ANO3: variants seen among roughly 807,000 people sequenced by gnomAD.
ANO3 encodes the protein anoctamin-3.
In ANO3, 99 loss-of-function variants were observed where a neutral mutation model predicts 144.8. That is an observed-to-expected ratio of 0.68 (90% confidence interval 0.58 to 0.81). The LOEUF is 0.81. Among genes scored for constraint, ANO3 ranks in the 30% least tolerant of loss-of-function variants. ANO3 has a pLI of 0.00. For synonymous variants in ANO3, 414 were observed against 392.6 expected (o/e 1.05, Z -0.64); for missense variants, 905 against 1,202.2 (o/e 0.75, Z 3.66).
chr11:26,371,841 G>T (rs4444034), intron 1 of ANO3, among the ~76,000 whole-genome samples: 21,860 of 152,204 alleles, frequency 0.14, 1,698 homozygotes, highest in South Asian at 0.27. Context: ...TACCCCTGTT[G>T]TATCTAGGCA....
At chr11:26,438,847 T>C (rs1011002882) in intron 1 of ANO3, among the ~76,000 whole-genome samples, 4 of 150,368 alleles carry the variant, frequency 2.7e-5, no homozygotes, top group African/African-American at 9.7e-5. Context: ...CTTAAATTTA[T>C]ATAGAAATAC....
chr11:26,563,269 C>A, intron 14 of ANO3: 1 of 1,583,184 alleles, frequency 6.3e-7, no homozygotes, highest in South Asian at 1.2e-5. Context: ...CTATTTTCTA[C>A]AGGACAAAAA....
At chr11:26,606,479 C>A (rs1253707794) in intron 17 of ANO3, among the ~76,000 whole-genome samples, 3 of 152,040 alleles carry the variant, frequency 2.0e-5, no homozygotes. Context: ...TCCTGAATAT[C>A]CTTATTAATT....
At chr11:26,285,095 C>T (rs984751154) in intron 1 of ANO3, among the ~76,000 whole-genome samples, 1 of 147,774 alleles carries the variant, frequency 6.8e-6, no homozygotes, top group African/African-American at 2.6e-5. Context: ...TTACTGTGTA[C>T]AATTTTTTTT....
chr11:26,342,002 T>G (rs142810630), intron 1 of ANO3, among the ~76,000 whole-genome samples: 217 of 152,308 alleles, frequency 1.4e-3, no homozygotes, highest in Middle Eastern at 0.014. Flanking sequence ...ACTCAAATGT[T>G]ATTCTCCTTT....
At chr11:26,557,341 G>T (rs1850113690) in intron 13 of ANO3, among the ~76,000 whole-genome samples, 1 of 151,414 alleles carries the variant, frequency 6.6e-6, no homozygotes, top group African/African-American at 2.4e-5. Flanking sequence ...GGCGCCTGTA[G>T]TCCCAGCTAC....
intron 1 of ANO3, among the ~76,000 whole-genome samples, chr11:26,213,953 TTAAG>T (rs1317115168): frequency 6.6e-6 from 1 of 152,052 alleles, no homozygotes; most frequent in Non-Finnish European, 1.5e-5. Flanking sequence ...GTGCTTATAT[TTAAG>T]TATTTATTGA....
intron 1 of ANO3, among the ~76,000 whole-genome samples, chr11:26,196,779 T>C (rs1280657483): frequency 6.6e-6 from 1 of 152,182 alleles, no homozygotes; most frequent in African/African-American, 2.4e-5. Flanking sequence ...TGAACTGAAA[T>C]TGGCAATTTT....
intron 1 of ANO3, among the ~76,000 whole-genome samples, chr11:26,270,648 C>G (rs753412310): frequency 3.3e-5 from 5 of 152,224 alleles, no homozygotes; most frequent in Admixed American, 1.3e-4. Flanking sequence ...TTCATTTATT[C>G]ACTCAATGAT....
At chr11:26,358,558 T>A (rs1444085925) in intron 1 of ANO3, among the ~76,000 whole-genome samples, 1 of 100,412 alleles carries the variant, frequency 1.0e-5, no homozygotes, top group Non-Finnish European at 2.2e-5. Flanking sequence ...CCATCATAAT[T>A]TTTTTTTACT....
chr11:26,340,096 G>T (rs1451284094), intron 1 of ANO3, among the ~76,000 whole-genome samples: 1 of 152,170 alleles, frequency 6.6e-6, no homozygotes, highest in Non-Finnish European at 1.5e-5. Context: ...CATTGTATTG[G>T]TTGTGGTACA....
intron 17 of ANO3, among the ~76,000 whole-genome samples, chr11:26,614,549 G>A (rs977362437): frequency 3.3e-5 from 5 of 152,152 alleles, no homozygotes; most frequent in Non-Finnish European, 7.4e-5. Context: ...AGGTCACAGT[G>A]GTGGGAGGTG....
intron 14 of ANO3, among the ~76,000 whole-genome samples, chr11:26,564,732 C>CATATAT (rs66510170): frequency 5.5e-4 from 14 of 25,400 alleles, no homozygotes; most frequent in South Asian, 2.1e-3. Context: ...CACACACACA[C>CATATAT]ATATATATAT....
At chr11:26,448,299 CAAAAAAA>C (rs11401959) in intron 3 of ANO3, among the ~76,000 whole-genome samples, 1 of 132,512 alleles carries the variant, frequency 7.5e-6, no homozygotes, top group East Asian at 2.2e-4. Context: ...AACTCCGTCT[CAAAAAAA>C]AAAAAAAAAG....
chr11:26,592,778 G>C (rs1172429558), intron 14 of ANO3, among the ~76,000 whole-genome samples: 3 of 151,756 alleles, frequency 2.0e-5, no homozygotes, highest in Non-Finnish European at 4.4e-5. Flanking sequence ...TAAGTGAAAG[G>C]TTTGGTGAAG....
intron 1 of ANO3, among the ~76,000 whole-genome samples, chr11:26,270,639 T>C (rs1371830624): frequency 6.6e-6 from 1 of 152,206 alleles, no homozygotes; most frequent in Admixed American, 6.5e-5. Context: ...TATTACGAAT[T>C]CATTTATTCA....
chr11:26,387,869 G>A (rs12287530), intron 1 of ANO3, among the ~76,000 whole-genome samples: 40,400 of 151,914 alleles, frequency 0.27, 6,033 homozygotes, highest in African/African-American at 0.41. Context: ...CCCAGCTTTA[G>A]TTGTCCAAGC....
chr11:26,491,710 G>A (rs538780021), intron 4 of ANO3, among the ~76,000 whole-genome samples: 9 of 152,170 alleles, frequency 5.9e-5, no homozygotes, highest in East Asian at 3.9e-4. Flanking sequence ...CAGTTTGTCC[G>A]CAACCTTCCC....
intron 1 of ANO3, among the ~76,000 whole-genome samples, chr11:26,436,737 C>T (rs746384171): frequency 4.6e-5 from 7 of 152,044 alleles, no homozygotes; most frequent in Non-Finnish European, 7.4e-5. Flanking sequence ...CTCCAAAACT[C>T]GAAGGCAACA....
Sources: allele counts gnomAD v4.1 joint callset (sites outside exome capture counted in the v4.1 genomes callset), GRCh38; gene constraint gnomAD v4.1.1; transcripts MANE v1.5; gene names NCBI Gene and HGNC (gene_info 2026-07-23, HGNC 2026-07-21).